SMCO4: variants seen among roughly 807,000 people sequenced by gnomAD.
SMCO4 encodes single-pass membrane protein with coiled-coil domains 4, also known as single-pass membrane and coiled-coil domain-containing protein 4.
In SMCO4, 4 loss-of-function variants were observed where a neutral mutation model predicts 3.6. The ratio of observed to expected loss-of-function variants is 1.11; its 90% CI spans 0.54 to 2.53. The LOEUF (loss-of-function observed/expected upper bound fraction) is 2.53, where lower values mean the gene tolerates loss of function less well. Among genes scored for constraint, SMCO4 ranks in the 30% most tolerant of loss-of-function variants. SMCO4 has a pLI of 0.02. For synonymous variants in SMCO4, 36 were observed against 35.3 expected, an observed-to-expected ratio of 1.02 and a Z score of -0.07; for missense variants, 70 against 80.8, an observed-to-expected ratio of 0.87 and a Z score of 0.51.
chr11:93,528,000 T>A (rs184615837), intron 1 of SMCO4, among the ~76,000 whole-genome samples: 87 of 152,252 alleles, frequency 5.7e-4, no homozygotes, highest in Non-Finnish European at 4.7e-4. Context: ...AATAAGATAC[T>A]GTAATGGCAA....
chr11:93,539,633 A>C (rs1363932528), intron 1 of SMCO4, among the ~76,000 whole-genome samples: 3 of 152,196 alleles, frequency 2.0e-5, no homozygotes, highest in Admixed American at 6.5e-5. Flanking sequence ...AGTCACAACA[A>C]ACACCCTCTT....
At chr11:93,482,830 G>A (rs34825570) in intron 2 of SMCO4, among the ~76,000 whole-genome samples, 16,972 of 152,238 alleles carry the variant, frequency 0.11, 1,212 homozygotes, top group Non-Finnish European at 0.16. Flanking sequence ...ATGCCAGCAC[G>A]CCAAACAGCA....
intron 1 of SMCO4, among the ~76,000 whole-genome samples, chr11:93,541,908 T>C (rs1273026883): frequency 6.6e-6 from 1 of 152,200 alleles, no homozygotes; most frequent in Non-Finnish European, 1.5e-5. Context: ...CATCACACTG[T>C]CGAGCTCTCT....
At chr11:93,542,400 T>C (rs1301532810) in intron 1 of SMCO4, among the ~76,000 whole-genome samples, 3 of 152,174 alleles carry the variant, frequency 2.0e-5, no homozygotes, top group Admixed American at 2.0e-4. Flanking sequence ...GGGAGTGTTT[T>C]CTGACAGCTC....
At position 93,502,006 on chromosome 11, in the gene SMCO4, G is replaced by A. The variant is rs563806181; in HGVS notation, c.-153-2658C>T. On this transcript the variant is annotated intron_variant, in intron 1 of 2. Coordinates refer to ENST00000298966, the MANE Select transcript of SMCO4 (RefSeq NM_020179.3). ...GACTGCAATGGGCACCACCAAGAAAGGAGAGCAGGCTAGCAGGTGACCCAG... is the reference window on the plus strand; with the variant it reads ...GACTGCAATGGGCACCACCAAGAAAAGAGAGCAGGCTAGCAGGTGACCCAG... Among the ~76,000 whole-genome samples, 410 of 151,948 alleles carry A rather than the reference G, an allele frequency of 2.7e-3. 1 individual carries two copies. Among genetic ancestry groups the A allele is most frequent in the Admixed American group, 4.1e-3 (62 of 15,270 alleles).
At chr11:93,547,646 A>G (rs1343724926), upstream of SMCO4, among the ~76,000 whole-genome samples, 2 of 152,256 alleles carry the variant, frequency 1.3e-5, no homozygotes, top group East Asian at 3.8e-4. Flanking sequence ...CAGGAACTCA[A>G]TAAATATGTA....
At chr11:93,535,649 C>T (rs1949215455) in intron 1 of SMCO4, 1 of 1,601,756 alleles carries the variant, frequency 6.2e-7, no homozygotes, top group South Asian at 1.1e-5. Flanking sequence ...TTAAGAGCTA[C>T]CGATGGGAAA....
intron 1 of SMCO4, among the ~76,000 whole-genome samples, chr11:93,521,330 A>G (rs1949056885): frequency 6.6e-6 from 1 of 152,198 alleles, no homozygotes; most frequent in Non-Finnish European, 1.5e-5. Flanking sequence ...AACATGAGTC[A>G]CTTAATCTCT....
At chr11:93,533,089 C>A (rs1263674268) in intron 1 of SMCO4, among the ~76,000 whole-genome samples, 1 of 152,136 alleles carries the variant, frequency 6.6e-6, no homozygotes, top group Non-Finnish European at 1.5e-5. Context: ...TTCAGAGACA[C>A]GAGAGCCAGG....
the SMCO4 span, among the ~76,000 whole-genome samples, chr11:93,549,122 A>G: frequency 8.6e-5 from 13 of 152,022 alleles, no homozygotes; most frequent in Non-Finnish European, 1.3e-4. Context: ...AGTGGCCATG[A>G]GTGTGTGTGT....
At chr11:93,517,582 C>G (rs1490769098) in intron 1 of SMCO4, among the ~76,000 whole-genome samples, 1 of 152,178 alleles carries the variant, frequency 6.6e-6, no homozygotes, top group East Asian at 1.9e-4. Flanking sequence ...TGCTTCTCTC[C>G]TTGAGTCCAC....
chr11:93,507,129 G>A (rs772354223), intron 1 of SMCO4, among the ~76,000 whole-genome samples: 7 of 152,182 alleles, frequency 4.6e-5, no homozygotes, highest in Non-Finnish European at 7.3e-5. Context: ...TCGGGGCCGG[G>A]TGCGGTGGCT....
chr11:93,524,168 T>C (rs1949085046), intron 1 of SMCO4, among the ~76,000 whole-genome samples: 2 of 152,168 alleles, frequency 1.3e-5, no homozygotes, highest in African/African-American at 4.8e-5. Context: ...CTATCTCATA[T>C]ATATCTTACC....
At chr11:93,546,690 T>C (rs767334967), upstream of SMCO4, among the ~76,000 whole-genome samples, 2 of 152,242 alleles carry the variant, frequency 1.3e-5, no homozygotes, top group Non-Finnish European at 2.9e-5. Flanking sequence ...TGAACTCTTC[T>C]GTTTTTCCTT....
chr11:93,504,005 C>T (rs1290815148), intron 1 of SMCO4, among the ~76,000 whole-genome samples: 1 of 152,016 alleles, frequency 6.6e-6, no homozygotes, highest in Non-Finnish European at 1.5e-5. Flanking sequence ...AAAATACATG[C>T]AAATAAAACA....
intron 2 of SMCO4, among the ~76,000 whole-genome samples, chr11:93,485,390 G>A (rs1414036923): frequency 1.3e-5 from 2 of 152,164 alleles, no homozygotes; most frequent in African/African-American, 4.8e-5. Context: ...CCATGCCTTT[G>A]CTGATGGAAC....
chr11:93,484,538 C>T (rs2134571230), intron 2 of SMCO4, among the ~76,000 whole-genome samples: 1 of 152,248 alleles, frequency 6.6e-6, no homozygotes, highest in African/African-American at 2.4e-5. Context: ...GTTTTGCAGA[C>T]ATCGAAAAAT....
At chr11:93,489,971 G>T (rs1288965089) in intron 2 of SMCO4, among the ~76,000 whole-genome samples, 1 of 152,184 alleles carries the variant, frequency 6.6e-6, no homozygotes, top group East Asian at 1.9e-4. Flanking sequence ...CCAGGCTCAG[G>T]GCAGTCTAGA....
At chr11:93,490,272 A>G (rs1230779246) in intron 2 of SMCO4, among the ~76,000 whole-genome samples, 1 of 152,246 alleles carries the variant, frequency 6.6e-6, no homozygotes, top group Non-Finnish European at 1.5e-5. Context: ...AGCAACCTGA[A>G]ACACAGCTAC....
Sources: allele counts gnomAD v4.1 joint callset (sites outside exome capture counted in the v4.1 genomes callset), GRCh38; gene constraint gnomAD v4.1.1; transcripts MANE v1.5; gene names NCBI Gene and HGNC (gene_info 2026-07-23, HGNC 2026-07-21).